TM6SF1: variants seen among roughly 807,000 people sequenced by gnomAD.
TM6SF1 encodes transmembrane 6 superfamily member 1.
Under a neutral mutation model 47.1 loss-of-function variants are expected in TM6SF1, and 43 were observed. The observed-to-expected ratio is 0.91, with a 90% CI of 0.72 to 1.18. TM6SF1 has a LOEUF of 1.18. TM6SF1 is among the 50% of genes most tolerant of loss of function. TM6SF1 has a pLI of 0.00. For missense variants in TM6SF1, 390 were observed against 449.0 expected, an observed-to-expected ratio of 0.87 and a Z score of 1.19; for synonymous variants, 177 against 166.3, an observed-to-expected ratio of 1.06 and a Z score of -0.49.
chr15:83,125,268 C>A (rs919921153), intron 7 of TM6SF1, among the ~76,000 whole-genome samples: 2 of 152,134 alleles, frequency 1.3e-5, no homozygotes, highest in Non-Finnish European at 2.9e-5. Flanking sequence ...ATTCATCTCA[C>A]GCCTGGAGTC....
chr15:83,129,240 A>C (rs544397124), intron 9 of TM6SF1: 40 of 152,186 alleles, frequency 2.6e-4, no homozygotes, highest in African/African-American at 9.4e-4. Context: ...CAGGCAAACC[A>C]CGTTAAAAGT....
At chr15:83,124,271 GAT>G (rs2035532345) in intron 6 of TM6SF1, among the ~76,000 whole-genome samples, 1 of 152,078 alleles carries the variant, frequency 6.6e-6, no homozygotes, top group Non-Finnish European at 1.5e-5. Context: ...GAAAAATGTA[GAT>G]ATATGTGTGT....
In TM6SF1 at chr15:83,112,789, CGT is replaced by C; in HGVS notation, c.93-7_93-6del. On this transcript the variant is annotated splice_region_variant and splice_polypyrimidine_tract_variant and intron_variant, in intron 1 of 9. Transcript: ENST00000322019. ...ATAGTGACCACCTCCCTGTTCTGGTCGTTGCAGTTCCTGGACTATTGTAGGGG... is the reference window on the plus strand; with the variant it reads ...ATAGTGACCACCTCCCTGTTCTGGTCTGCAGTTCCTGGACTATTGTAGGGG... 1 of 1,605,178 alleles carries C rather than the reference CGT, an allele frequency of 6.2e-7. No individual in the cohort carries two copies. Among genetic ancestry groups the C allele is most frequent in the Middle Eastern group, 1.7e-4 (1 of 6,024 alleles).
Position 83,137,261 on chromosome 15 carries a change from TTATCTC to T in TM6SF1, c.*594_*599del, listed in dbSNP as rs1217257790. On this transcript the variant is annotated 3_prime_UTR_variant, in exon 10 of 10. Coordinates refer to ENST00000322019, the MANE Select transcript of TM6SF1 (RefSeq NM_023003.5). ...AACAGCTAAATAGGGATCAGTAACTTTATCTCTATCCTTAATGAACATTTGTTTTAT... is the reference window on the plus strand; with the variant it reads ...AACAGCTAAATAGGGATCAGTAACTTTATCCTTAATGAACATTTGTTTTAT... 6.6e-6 allele frequency: 1 copy of T among 152,178 alleles called. No individual in the cohort carries two copies. Among genetic ancestry groups the T allele is most frequent in the Admixed American group, 6.5e-5 (1 of 15,280 alleles). The allele number at this position is 152,178 out of a possible 1,614,324, so 9.4% of individuals were successfully genotyped here.
intron 1 of TM6SF1, among the ~76,000 whole-genome samples, chr15:83,110,213 A>G (rs951604183): frequency 6.6e-6 from 1 of 152,078 alleles, no homozygotes; most frequent in African/African-American, 2.4e-5. Flanking sequence ...AGAGAGACAC[A>G]CTGCTCACAC....
chr15:83,119,591 TG>T lies in TM6SF1; in HGVS notation c.309del (p.Asn104ThrfsTer7), dbSNP rs767865454. ...TGCTTTCTTTAGGGTGAACCGTATC[TG>T]AACACCGCATATGGGCACATGATCT... ...THYLREGEPY[L>X]NTAYGHMICY... On this transcript the variant is annotated frameshift_variant, in exon 4 of 10. Transcript: ENST00000322019. LOFTEE classifies it high-confidence loss of function. The T allele has an allele frequency of 4.3e-6, 7 of 1,614,208 alleles. No homozygotes were observed. Among genetic ancestry groups the T allele is most frequent in the Non-Finnish European group, 5.9e-6 (7 of 1,180,014 alleles).
intron 4 of TM6SF1, among the ~76,000 whole-genome samples, chr15:83,121,687 T>C (rs984538172): frequency 3.3e-5 from 5 of 152,182 alleles, no homozygotes; most frequent in African/African-American, 1.2e-4. Context: ...ACAGAAGACA[T>C]AGCAGGCGTA....
intron 3 of TM6SF1, among the ~76,000 whole-genome samples, chr15:83,118,049 G>A (rs145558624): frequency 2.0e-5 from 3 of 152,188 alleles, no homozygotes; most frequent in Admixed American, 6.5e-5. Flanking sequence ...TTGGTAAGCC[G>A]AATGGTTTCA....
intron 1 of TM6SF1, among the ~76,000 whole-genome samples, chr15:83,109,694 G>A (rs1261146135): frequency 6.6e-6 from 1 of 152,016 alleles, no homozygotes; most frequent in Admixed American, 6.6e-5. Context: ...TGCAAGTCTC[G>A]CTGCCCAGCC....
At chr15:83,135,182 C>T (rs2036528114) in intron 9 of TM6SF1, 1 of 152,128 alleles carries the variant, frequency 6.6e-6, no homozygotes, top group African/African-American at 2.4e-5. Context: ...AAAAATGCAG[C>T]CCATTAAAAT....
intron 1 of TM6SF1, among the ~76,000 whole-genome samples, chr15:83,109,892 T>C (rs978907936): frequency 6.6e-6 from 1 of 152,178 alleles, no homozygotes; most frequent in Non-Finnish European, 1.5e-5. Context: ...ACCTGGACTT[T>C]ATGGCCACTT....
chr15:83,119,785 G>C (rs1415275437), intron 4 of TM6SF1, 104 bp downstream of exon 4: 11 of 1,550,622 alleles, frequency 7.1e-6, no homozygotes, highest in Non-Finnish European at 9.6e-6. Flanking sequence ...CAGGTATACT[G>C]GACATGAATA....
rs535831338 is a variant in TM6SF1, at chr15:83,129,941, G to C, written c.921+2464G>C. On this transcript the variant is annotated intron_variant, in intron 9 of 9. Coordinates refer to ENST00000322019, the MANE Select transcript of TM6SF1 (RefSeq NM_023003.5). The stretch of plus-strand genomic sequence containing the variant: ...ATGGCCGCATACCCACTTCACTCTT[G>C]CCAGCCCTTTCTTTAGAGGATTAGA... 2.6e-5 allele frequency: 4 copies of C among 152,270 alleles called. No individual in the cohort carries two copies. In the East Asian group the frequency reaches 5.8e-4, roughly 22 times the overall value. The allele number at this position is 152,270 out of a possible 1,614,324, so 9.4% of individuals were successfully genotyped here. A position where few individuals can be genotyped will look rare whatever the true frequency, so the allele number is the denominator to read the frequency against.
chr15:83,115,740 T>C (rs772042087), intron 2 of TM6SF1, 105 bp from the exon 3 acceptor site: 2 of 814,882 alleles, frequency 2.5e-6, no homozygotes, highest in East Asian at 2.6e-5. Flanking sequence ...CCACAGCATC[T>C]TCTGGAAAAC....
intron 6 of TM6SF1, among the ~76,000 whole-genome samples, chr15:83,123,855 C>A (rs958329812): frequency 6.6e-6 from 1 of 152,340 alleles, no homozygotes; most frequent in African/African-American, 2.4e-5. Flanking sequence ...TGTGAAAACA[C>A]AGTGACAGCC....
chr15:83,125,091 A>G (rs949775482), intron 7 of TM6SF1, among the ~76,000 whole-genome samples: 1 of 152,176 alleles, frequency 6.6e-6, no homozygotes, highest in Admixed American at 6.5e-5. Context: ...AAATGTAAAT[A>G]TCTTTGGTAA....
At chr15:83,109,512 T>C (rs2033953862) in intron 1 of TM6SF1, among the ~76,000 whole-genome samples, 1 of 152,222 alleles carries the variant, frequency 6.6e-6, no homozygotes, top group Non-Finnish European at 1.5e-5. Flanking sequence ...CCATTCTTCC[T>C]GTCCTCTTGC....
chr15:83,121,110 A>G (rs2151359891), intron 4 of TM6SF1, among the ~76,000 whole-genome samples: 1 of 151,756 alleles, frequency 6.6e-6, no homozygotes, highest in East Asian at 1.9e-4. Context: ...TCGCTCTGTC[A>G]CCCAGGCTGG....
In TM6SF1 at chr15:83,122,756, G is replaced by T. The variant is rs138286949; in HGVS notation, c.482-1G>T. On this transcript the variant is annotated splice_acceptor_variant, in intron 5 of 9. Coordinates refer to ENST00000322019, the MANE Select transcript of TM6SF1 (RefSeq NM_023003.5). LOFTEE classifies it high-confidence loss of function. ...TCTTTCTCTTTCTCTCTTTTAAATA[G>T]GGAAGTATGGAACACGAATTTGCCC... 5 of 1,613,012 alleles carry T rather than the reference G, an allele frequency of 3.1e-6. No individual in the cohort carries two copies. In the African/African-American group the frequency reaches 6.7e-5, roughly 22 times the overall value.
Sources: gnomAD v4.1 joint callset for allele counts (sites outside exome capture counted in the v4.1 genomes callset) on GRCh38, gnomAD v4.1.1 for gene constraint, MANE v1.5 for transcripts, NCBI Gene and HGNC (gene_info 2026-07-23, HGNC 2026-07-21) for gene names.